Variants in GSE1 observed in about 807,000 individuals in gnomAD.
GSE1 encodes the protein Gse1 coiled-coil protein.
A neutral mutation model predicts 112.6 loss-of-function variants in GSE1; 32 were observed. That is an observed-to-expected ratio of 0.28 (90% CI 0.21 to 0.38). The LOEUF (loss-of-function observed/expected upper bound fraction) is 0.38, where lower values mean the gene tolerates loss of function less well. GSE1 is among the 10% of genes least tolerant of loss of function. The probability of loss-of-function intolerance (pLI) is 1.00; values close to 1 mark genes in which losing one functional copy is unlikely to be tolerated. For synonymous variants in GSE1, 1,115 were observed against 735.6 expected (o/e 1.52, Z -8.35); for missense variants, 2,348 against 1,699.2 (o/e 1.38, Z -6.71).
intron 2 of GSE1, among the ~76,000 whole-genome samples, chr16:85,399,528 G>A (rs553644887): frequency 6.6e-6 from 1 of 152,280 alleles, no homozygotes; most frequent in African/African-American, 2.4e-5. Context: ...CCCCATCCTT[G>A]CGGGCTTTCA....
At chr16:85,276,650 G>A (rs1034032962) in intron 1 of GSE1, among the ~76,000 whole-genome samples, 3 of 152,208 alleles carry the variant, frequency 2.0e-5, no homozygotes, top group Admixed American at 1.3e-4. Context: ...CGGGAAGGGC[G>A]TGGAGGATGC....
intron 1 of GSE1, among the ~76,000 whole-genome samples, chr16:85,226,270 C>G (rs2075484054): frequency 6.6e-6 from 1 of 152,142 alleles, no homozygotes; most frequent in Non-Finnish European, 1.5e-5. Context: ...TTTCCCAGGA[C>G]CTCTTTTTAG....
intron 1 of GSE1, among the ~76,000 whole-genome samples, chr16:85,315,334 A>G (rs2045964556): frequency 3.3e-5 from 5 of 152,274 alleles, no homozygotes; most frequent in African/African-American, 4.8e-5. Context: ...CATCAGATTG[A>G]AGGACGTTTT....
At chr16:85,297,498 TTTTTG>T (rs998462975) in intron 1 of GSE1, among the ~76,000 whole-genome samples, 9 of 152,304 alleles carry the variant, frequency 5.9e-5, no homozygotes, top group Admixed American at 2.6e-4. Flanking sequence ...TATTGTGTTT[TTTTTG>T]TTTTGTTTTG....
intron 1 of GSE1, among the ~76,000 whole-genome samples, chr16:85,580,403 A>T (rs1347410557): frequency 6.6e-6 from 1 of 152,162 alleles, no homozygotes; most frequent in East Asian, 1.9e-4. Context: ...AAGGCTGGCC[A>T]GCATCCGAAC....
In GSE1 at chr16:85,604,137, C is replaced by G. The variant is rs531372009; in HGVS notation, c.38-44415C>G. On this transcript the variant is annotated intron_variant, in intron 1 of 2. Transcript: ENST00000635906. ...AAGACAGAGGGACCAAAAGGACCAC[C>G]CCAAAAGGAAACTCAGATCCATTAG... Among the ~76,000 whole-genome samples, 33 of 152,232 alleles carry G rather than the reference C, an allele frequency of 2.2e-4. 1 individual carries two copies. In the South Asian group the frequency reaches 6.6e-3, roughly 31 times the overall value.
At chr16:85,367,844 CTTTTTTTTTT>C (rs5818532) in intron 2 of GSE1, among the ~76,000 whole-genome samples, 16 of 115,036 alleles carry the variant, frequency 1.4e-4, no homozygotes, top group Non-Finnish European at 2.5e-4. Flanking sequence ...AAATAAGATT[CTTTTTTTTTT>C]TTTTTTTTTT....
At chr16:85,641,349 C>A (rs771553240) in intron 2 of GSE1, among the ~76,000 whole-genome samples, 1 of 152,246 alleles carries the variant, frequency 6.6e-6, no homozygotes, top group South Asian at 2.1e-4. Context: ...ACCCGCACCT[C>A]CCGCTGTCAG....
Position 85,674,848 on chromosome 16 carries a change from C to G in GSE1, c.*2309C>G, listed in dbSNP as rs896384875. On this transcript the variant is annotated 3_prime_UTR_variant, in exon 16 of 16. Coordinates refer to ENST00000253458, the MANE Select transcript of GSE1 (RefSeq NM_014615.5). ...GTGGAAACCCCACTTCTGCCCGGCCCTTGAGCTTCTTGCCCACTGTCTCCC... is the reference window on the plus strand; with the variant it reads ...GTGGAAACCCCACTTCTGCCCGGCCGTTGAGCTTCTTGCCCACTGTCTCCC... 9.8e-5 allele frequency: 15 copies of G among 152,690 alleles called. No individual in the cohort carries two copies. The highest frequency in any genetic ancestry group is 3.4e-4 in the African/African-American group (14 of 41,436). 9.5% of individuals were successfully genotyped at this position (152,690 alleles called of 1,614,324 possible).
At chr16:85,313,697 G>A (rs997316868) in intron 1 of GSE1, among the ~76,000 whole-genome samples, 6 of 152,204 alleles carry the variant, frequency 3.9e-5, no homozygotes, top group Non-Finnish European at 8.8e-5. Context: ...ACAGGCTGTG[G>A]GGAAGGAAGC....
chr16:85,379,301 A>G (rs557477263), intron 2 of GSE1, among the ~76,000 whole-genome samples: 35 of 152,282 alleles, frequency 2.3e-4, no homozygotes, highest in African/African-American at 8.4e-4. Flanking sequence ...AGCTTCCAGA[A>G]AGGCAGAGTT....
exon 1 of GSE1, chr16:85,556,014 C>A: frequency 1.0e-6 from 1 of 985,054 alleles, no homozygotes; most frequent in Non-Finnish European, 1.2e-6. Context: ...GCGAAGACAC[C>A]CGGGCAGCCG....
intron 2 of GSE1, among the ~76,000 whole-genome samples, chr16:85,418,656 C>T (rs1287916239): frequency 6.6e-6 from 1 of 152,170 alleles, no homozygotes; most frequent in Non-Finnish European, 1.5e-5. Flanking sequence ...AGGACACAGT[C>T]TAGTGCCAAA....
upstream of GSE1, among the ~76,000 whole-genome samples, chr16:85,552,030 T>TC (rs2044939492): frequency 1.3e-5 from 2 of 151,916 alleles, no homozygotes; most frequent in Non-Finnish European, 2.9e-5. Flanking sequence ...TTTCTTTCTT[T>TC]TTTTTTTTTC....
rs377580398 is a variant in GSE1, at chr16:85,374,353, C to T, written c.2464+16710C>T. ...TGTGCCTCTGTGTGGTCGCGCGTGG[C>T]CCTCGGTGTGCAGTGTGTGTCATTG... On this transcript the variant is annotated intron_variant, in intron 2 of 2. Coordinates refer to the GSE1 transcript ENST00000637419. 2.5e-3 allele frequency among the ~76,000 whole-genome samples: 358 copies of T among 144,328 alleles called. 3 individuals carry two copies. The highest frequency in any genetic ancestry group is 8.7e-3 in the African/African-American group (337 of 38,654). 94.7% of individuals were successfully genotyped at this position (144,328 alleles called of 152,430 possible). A position where few individuals can be genotyped will look rare whatever the true frequency, so the allele number is the denominator to read the frequency against.
chr16:85,179,639 T>C (rs1182753209), intron 1 of GSE1, among the ~76,000 whole-genome samples: 1 of 152,204 alleles, frequency 6.6e-6, no homozygotes, highest in Non-Finnish European at 1.5e-5. Context: ...TATTGGTGAC[T>C]CCTTGAAGCC....
intron 2 of GSE1, among the ~76,000 whole-genome samples, chr16:85,417,460 C>T (rs773879666): frequency 3.3e-5 from 5 of 152,162 alleles, no homozygotes; most frequent in Non-Finnish European, 5.9e-5. Context: ...TCAGAGCACA[C>T]GGTTTCGGAC....
At chr16:85,625,800 G>A (rs539758790) in intron 1 of GSE1, among the ~76,000 whole-genome samples, 1 of 152,160 alleles carries the variant, frequency 6.6e-6, no homozygotes, top group African/African-American at 2.4e-5. Flanking sequence ...ATGGCTCATT[G>A]CGGGTGGCTC....
intron 1 of GSE1, among the ~76,000 whole-genome samples, chr16:85,333,317 T>C (rs1427089289): frequency 6.6e-6 from 1 of 152,160 alleles, no homozygotes; most frequent in Non-Finnish European, 1.5e-5. Flanking sequence ...TCTTCCTTAC[T>C]GAGAGGGCAA....
Sources: allele counts gnomAD v4.1 joint callset (sites outside exome capture counted in the v4.1 genomes callset), GRCh38; gene constraint gnomAD v4.1.1; transcripts MANE v1.5; gene names NCBI Gene and HGNC (gene_info 2026-07-23, HGNC 2026-07-21).